MYO18A: variants seen among roughly 807,000 people sequenced by gnomAD.
MYO18A encodes the protein unconventional myosin-XVIIIa.
Under a neutral mutation model 235.8 loss-of-function variants are expected in MYO18A, and 78 were observed. The observed-to-expected ratio is 0.33, with a 90% CI of 0.28 to 0.40. The LOEUF is 0.40. Ranked by LOEUF, MYO18A falls within the 10% of genes least tolerant of loss-of-function variation. MYO18A has a pLI of 1.00. For synonymous variants in MYO18A, 977 were observed against 1,077.8 expected (o/e 0.91, Z 1.83); for missense variants, 2,215 against 2,699.3 (o/e 0.82, Z 3.98).
chr17:29,166,768 G>A lies in MYO18A; in HGVS notation c.173C>T (p.Thr58Met), dbSNP rs1337985426. Residue 58 changes from threonine to methionine, a missense_variant, in exon 2 of 42, where the codon ACG becomes ATG. Thr to Met is a moderately conservative substitution (Grantham distance 81). Coordinates refer to ENST00000527372, the MANE Select transcript of MYO18A (RefSeq NM_078471.4). Reference sequence around the variant, plus strand: ...GATGGGGTTGGAGATTTCCAGGCGCGTCTTGGATTCACGCTTGGAGGAGCG... The same window carrying A: ...GATGGGGTTGGAGATTTCCAGGCGCATCTTGGATTCACGCTTGGAGGAGCG... Reference protein sequence around the residue: ...LNRSSKRESKTRLEISNPIPI... With the variant: ...LNRSSKRESKMRLEISNPIPI... 3 of 1,613,316 alleles carry A rather than the reference G, an allele frequency of 1.9e-6. No homozygotes were observed. Among genetic ancestry groups the A allele is most frequent in the Admixed American group, 1.7e-5 (1 of 59,934 alleles).
intron 2 of MYO18A, among the ~76,000 whole-genome samples, chr17:29,123,497 T>C (rs1339623321): frequency 6.6e-6 from 1 of 152,202 alleles, no homozygotes; most frequent in Non-Finnish European, 1.5e-5. Context: ...GTCACATTTC[T>C]TGGAGTTGAA....
At position 29,074,085 on chromosome 17, in the gene MYO18A, C is replaced by A; in HGVS notation, c.*685G>T. 2.5e-6 allele frequency: 4 copies of A among 1,614,060 alleles called. No homozygotes were observed. Among genetic ancestry groups the A allele is most frequent in the Non-Finnish European group, 2.5e-6 (3 of 1,180,014 alleles). On this transcript the variant is annotated 3_prime_UTR_variant, in exon 42 of 42. Transcript: ENST00000527372. The surrounding 1 kb of genome is among the most constrained non-coding windows in gnomAD (Gnocchi z 4.4). ...GCTTGCTCAACCCAGCCCAGCAGCACCGGAGAGCCCCTCCGCACCTCATTC... is the reference window on the plus strand; with the variant it reads ...GCTTGCTCAACCCAGCCCAGCAGCAACGGAGAGCCCCTCCGCACCTCATTC...
chr17:29,074,872 A>G lies in MYO18A; in HGVS notation c.6063T>C (p.Asp2021=). 6.2e-7 allele frequency: 1 copy of G among 1,613,954 alleles called. No homozygotes were observed. Among genetic ancestry groups the G allele is most frequent in the Admixed American group, 1.7e-5 (1 of 60,008 alleles). ...TGTTGTCGAGAGGGTCGTGCTCATC[A>G]TCTGACCGATCAGGGGCAAGGGACT... ...YWKSLAPDRS[D]DEHDPLDNTS... The change falls in exon 42 of 42, where the codon GAT becomes GAC. Residue 2021 remains aspartate, a synonymous_variant. Coordinates refer to ENST00000527372, the MANE Select transcript of MYO18A (RefSeq NM_078471.4). This position sits in a 1 kb window ranked among gnomAD's most constrained non-coding sequence, Gnocchi z 4.4.
At chr17:29,107,485 G>A in intron 19 of MYO18A, 1 of 334,936 alleles carries the variant, frequency 3.0e-6, no homozygotes, top group Non-Finnish European at 5.7e-6. Flanking sequence ...TGCAAATGGG[G>A]GGTTGTGGGG....
chr17:29,158,255 A>G lies in MYO18A; in HGVS notation c.999+7687T>C, dbSNP rs2068100904. Among the ~76,000 whole-genome samples the G allele has an allele frequency of 6.6e-6, 1 of 152,214 alleles. No individual in the cohort carries two copies. Reference sequence around the variant, plus strand: ...CAAAGCAACCGGGCTGAGTCGCACCAGGGCAGAACACCATGCCCTGATTCT... The same window carrying G: ...CAAAGCAACCGGGCTGAGTCGCACCGGGGCAGAACACCATGCCCTGATTCT... On this transcript the variant is annotated intron_variant, in intron 2 of 41. Transcript: ENST00000527372. This position sits in a 1 kb window ranked among gnomAD's most constrained non-coding sequence, Gnocchi z 4.3.
chr17:29,116,666 C>G (rs756072714), intron 10 of MYO18A, among the ~76,000 whole-genome samples: 2 of 120,656 alleles, frequency 1.7e-5, no homozygotes, highest in Non-Finnish European at 3.2e-5. Context: ...CACACTGACA[C>G]ACACAGAAAG....
chr17:29,125,429 C>T lies in MYO18A; in HGVS notation c.1000-3176G>A, dbSNP rs1194961330. 6.6e-6 allele frequency among the ~76,000 whole-genome samples: 1 copy of T among 152,204 alleles called. No individual in the cohort carries two copies. The highest frequency in any genetic ancestry group is 2.4e-5 in the African/African-American group (1 of 41,438). On this transcript the variant is annotated intron_variant, in intron 2 of 41. Transcript: ENST00000527372. This position sits in a 1 kb window ranked among gnomAD's most constrained non-coding sequence, Gnocchi z 5.1. ...GGGCAAACCCTGTGGCCAGCCGTGACCTCTCTGGTTACTTAAAGCCCTGAA... is the reference window on the plus strand; with the variant it reads ...GGGCAAACCCTGTGGCCAGCCGTGATCTCTCTGGTTACTTAAAGCCCTGAA...
rs562453175 is a variant in MYO18A, at chr17:29,093,195, C to T, written c.4926+128G>A. 37 of 1,077,618 alleles carry T rather than the reference C, an allele frequency of 3.4e-5. No individual in the cohort carries two copies. The African/African-American group carries it at 4.0e-4, about 12-fold the overall frequency. 66.8% of individuals were successfully genotyped at this position (1,077,618 alleles called of 1,614,324 possible). A position where few individuals can be genotyped will look rare whatever the true frequency, so the allele number is the denominator to read the frequency against. On this transcript the variant is annotated intron_variant, in intron 32 of 41. Transcript: ENST00000527372. ...GATGCCCCCATCCCACAAGGGATGA[C>T]GATGGGCTCTTTGCAGCACCCCCAC...
intron 37 of MYO18A, among the ~76,000 whole-genome samples, chr17:29,088,899 A>G (rs2066324091): frequency 6.6e-6 from 1 of 152,066 alleles, no homozygotes; most frequent in Non-Finnish European, 1.5e-5. Context: ...TTAGCCAGGC[A>G]TGGTGGCACA....
chr17:29,179,422 A>G (rs1314927473), intron 1 of MYO18A, among the ~76,000 whole-genome samples: 2 of 151,906 alleles, frequency 1.3e-5, no homozygotes, highest in Admixed American at 1.3e-4. Flanking sequence ...CAGGAACATG[A>G]CCCACACTCC....
chr17:29,133,931 G>A lies in MYO18A; in HGVS notation c.1000-11678C>T, dbSNP rs1381756003. ...TCTTCCCAAAGGCCAGAACCTGCCA[G>A]GATAAACACTGTGGGCAACAAGGGG... On this transcript the variant is annotated intron_variant, in intron 2 of 41. Coordinates refer to ENST00000527372, the MANE Select transcript of MYO18A (RefSeq NM_078471.4). 28 of 1,137,350 alleles carry A rather than the reference G, an allele frequency of 2.5e-5. No individual in the cohort carries two copies. The East Asian group carries it at 1.5e-3, about 62-fold the overall frequency. The allele number at this position is 1,137,350 out of a possible 1,614,324, so 70.5% of individuals were successfully genotyped here. A position where few individuals can be genotyped will look rare whatever the true frequency, so the allele number is the denominator to read the frequency against.
chr17:29,146,018 G>A (rs1685984143), intron 2 of MYO18A, among the ~76,000 whole-genome samples: 3 of 152,262 alleles, frequency 2.0e-5, no homozygotes, highest in Non-Finnish European at 2.9e-5. Context: ...AGCACTTTGG[G>A]AGGCCGAGGT....
intron 41 of MYO18A, chr17:29,080,329 G>T: frequency 1.0e-6 from 1 of 986,184 alleles, no homozygotes; most frequent in Non-Finnish European, 1.2e-6. Flanking sequence ...GGAGCTGGGA[G>T]GCTCATCCAC....
chr17:29,159,251 C>G (rs917805961), intron 2 of MYO18A, among the ~76,000 whole-genome samples: 3 of 152,102 alleles, frequency 2.0e-5, no homozygotes, highest in African/African-American at 4.8e-5. Context: ...CTGCATCCCA[C>G]TACTCCACAA....
At chr17:29,083,506 C>CACACACACA (rs2066168985) in intron 40 of MYO18A, among the ~76,000 whole-genome samples, 1 of 75,948 alleles carries the variant, frequency 1.3e-5, no homozygotes, top group Non-Finnish European at 2.4e-5. Flanking sequence ...AAATAAACAG[C>CACACACACA]CACACAGGCA....
intron 2 of MYO18A, chr17:29,128,392 G>A (rs942665661): frequency 3.1e-6 from 4 of 1,288,912 alleles, no homozygotes; most frequent in South Asian, 2.5e-5. Context: ...GGGCCTCTTC[G>A]CTTAGGCCTT....
intron 2 of MYO18A, among the ~76,000 whole-genome samples, chr17:29,152,166 C>G (rs953174895): frequency 6.6e-6 from 1 of 152,144 alleles, no homozygotes; most frequent in African/African-American, 2.4e-5. Flanking sequence ...GTGGAAGGAG[C>G]AGAGGACAGA....
Position 29,166,474 on chromosome 17 carries a change from G to A in MYO18A, c.467C>T (p.Pro156Leu). The change falls in exon 2 of 42, where the codon CCC (proline) becomes CTC (leucine). Residue 156 changes from proline to leucine, a missense_variant. Physicochemically the swap from Pro to Leu is moderately conservative, Grantham distance 98. Transcript: ENST00000527372. ...CGAGGGGGCGGCAGAGTGCTCTGAG[G>A]GCGTCGAGGTTTCTGAGGCGCTCTC... ...RDESASETST[P>L]SEHSAAPSPQ... is the part of the protein sequence containing the mutation. The A allele has an allele frequency of 1.2e-6, 2 of 1,613,682 alleles. No homozygotes were observed. The highest frequency in any genetic ancestry group is 1.1e-5 in the South Asian group (1 of 91,078).
chr17:29,152,707 G>T (rs1409231250), intron 2 of MYO18A, among the ~76,000 whole-genome samples: 1 of 152,122 alleles, frequency 6.6e-6, no homozygotes, highest in Non-Finnish European at 1.5e-5. Flanking sequence ...GATTAATGAG[G>T]ATGATGATAA....
Sources: allele counts gnomAD v4.1 joint callset (sites outside exome capture counted in the v4.1 genomes callset), GRCh38; gene constraint gnomAD v4.1.1; non-coding constraint Gnocchi (gnomAD v3.1); transcripts MANE v1.5; gene names NCBI Gene and HGNC (gene_info 2026-07-23, HGNC 2026-07-21).